AQP5: variants seen among roughly 807,000 people sequenced by gnomAD.
The protein encoded by AQP5 is aquaporin-5.
A neutral mutation model predicts 19.1 loss-of-function variants in AQP5; 15 were observed. The observed-to-expected ratio is 0.79, with a 90% confidence interval of 0.53 to 1.21. AQP5 has a LOEUF of 1.21. Ranked by LOEUF, AQP5 falls within the 50% of genes most tolerant of loss-of-function variation. The probability of loss-of-function intolerance (pLI) is 0.00; values close to 1 mark genes in which losing one functional copy is unlikely to be tolerated. For synonymous variants in AQP5, 182 were observed against 160.3 expected, an observed-to-expected ratio of 1.14 and a Z score of -1.02; for missense variants, 355 against 357.1, an observed-to-expected ratio of 0.99 and a Z score of 0.05.
chr12:49,964,155 C>A lies in AQP5; in HGVS notation c.592C>A (p.Arg198=). The A allele has an allele frequency of 1.2e-6, 2 of 1,614,098 alleles. No homozygotes were observed. Among genetic ancestry groups the A allele is most frequent in the Non-Finnish European group, 1.7e-6 (2 of 1,179,998 alleles). The change falls in exon 3 of 4, where the codon CGG becomes AGG. Residue 198 remains arginine (R), a synonymous_variant. Transcript: ENST00000293599. The stretch of plus-strand genomic sequence containing the variant: ...TTTTGGCCCTGCGGTGGTCATGAAT[C>A]GGTTCAGCCCCGCTCACTGGGTGAG... ...RSFGPAVVMN[R]FSPAHWVFWV... is the part of the protein sequence containing the mutation.
At chr12:49,963,696 A>G (rs759476004) in intron 2 of AQP5, 40 bp downstream of exon 2, 16 of 1,591,534 alleles carry the variant, frequency 1.0e-5, no homozygotes, top group Non-Finnish European at 2.6e-6. Flanking sequence ...AGGGTGGGGC[A>G]GGCACTCAAG....
In AQP5 at chr12:49,962,187, C is replaced by T; in HGVS notation, c.170C>T (p.Ala57Val). ...TTTGGCCTGGCCATAGGCACGCTGG[C>T]CCAGGCCCTGGGACCCGTGAGCGGC... ...LAFGLAIGTLAQALGPVSGGH... is the reference protein window; with the variant it reads ...LAFGLAIGTLVQALGPVSGGH... The change falls in exon 1 of 4, where the codon GCC becomes GTC. Residue 57 changes from alanine (A) to valine (V), a missense_variant. Transcript: ENST00000293599. The T allele has an allele frequency of 6.2e-7, 1 of 1,609,742 alleles. No individual in the cohort carries two copies. The highest frequency in any genetic ancestry group is 1.7e-5 in the Admixed American group (1 of 59,998).
Position 49,961,996 on chromosome 12 carries a change from C to G in AQP5, c.-22C>G. 7.4e-7 allele frequency: 1 copy of G among 1,346,142 alleles called. No homozygotes were observed. The highest frequency in any genetic ancestry group is 9.6e-7 in the Non-Finnish European group (1 of 1,043,582). 83.4% of individuals were successfully genotyped at this position (1,346,142 alleles called of 1,614,324 possible). On this transcript the variant is annotated 5_prime_UTR_variant, in exon 1 of 4. Transcript: ENST00000293599. ...CGGGCGCCCCCCGCCGCGGCAGCTG[C>G]CGCCGGGCCCCCGCGGCCACCATGA...
In AQP5 at chr12:49,965,349, C is replaced by G. The variant is rs138610081; in HGVS notation, c.*172C>G. 10 of 770,784 alleles carry G rather than the reference C, an allele frequency of 1.3e-5. No homozygotes were observed. In the African/African-American group the frequency reaches 1.4e-4, roughly 11 times the overall value. 47.7% of individuals were successfully genotyped at this position (770,784 alleles called of 1,614,324 possible). A position where few individuals can be genotyped will look rare whatever the true frequency, so the allele number is the denominator to read the frequency against. ...GGAGAAGGAACCCATGATGGGACTC[C>G]TGGGGTAGGGGCCAGGGGCTGGGGT... On this transcript the variant is annotated 3_prime_UTR_variant, in exon 4 of 4. Coordinates refer to ENST00000293599, the MANE Select transcript of AQP5 (RefSeq NM_001651.4).
chr12:49,964,209 T>C (rs774512537), intron 3 of AQP5, 34 bp downstream of exon 3: 2 of 1,599,686 alleles, frequency 1.3e-6, no homozygotes, highest in African/African-American at 1.3e-5. Context: ...TCCCTGGAGA[T>C]GAGGGCCTGG....
chr12:49,962,361 G>T lies in AQP5; in HGVS notation c.344G>T (p.Gly115Val), dbSNP rs1947435191. 1 of 1,592,326 alleles carries T rather than the reference G, an allele frequency of 6.3e-7. No individual in the cohort carries two copies. The highest frequency in any genetic ancestry group is 1.4e-5 in the African/African-American group (1 of 72,488). Residue 115 changes from glycine (G) to valine (V), a missense_variant, in exon 1 of 4, where the codon GGC (glycine) becomes GTC (valine). Coordinates refer to ENST00000293599, the MANE Select transcript of AQP5 (RefSeq NM_001651.4). ...LYGVAPLNAR[G>V]NLAVNALNNN... ...GGTGTGGCACCGCTCAATGCCCGGGGCAATCTGGCCGTCAACGCGGTGAGT... is the reference window on the plus strand; with the variant it reads ...GGTGTGGCACCGCTCAATGCCCGGGTCAATCTGGCCGTCAACGCGGTGAGT...
chr12:49,962,917 A>G (rs1478951935), intron 1 of AQP5: 3 of 163,374 alleles, frequency 1.8e-5, no homozygotes, highest in African/African-American at 7.2e-5. Flanking sequence ...GTTTCTGTTG[A>G]GTATTGGTTC....
At chr12:49,964,233 G>A (rs1947462011) in intron 3 of AQP5, 58 bp downstream of exon 3, 1 of 1,536,720 alleles carries the variant, frequency 6.5e-7, no homozygotes, top group Non-Finnish European at 9.0e-7. Context: ...CCCAGCAGTG[G>A]CAGCTCAGAG....
At position 49,964,984 on chromosome 12, in the gene AQP5, T is replaced by C; in HGVS notation, c.613-8T>C. 1 of 1,611,012 alleles carries C rather than the reference T, an allele frequency of 6.2e-7. No homozygotes were observed. Among genetic ancestry groups the C allele is most frequent in the Non-Finnish European group, 8.5e-7 (1 of 1,178,564 alleles). ...TCAGCGCCCTGACTCCTGCCCTGTCTCCACCAGGTTTTCTGGGTAGGGCCC... is the reference window on the plus strand; with the variant it reads ...TCAGCGCCCTGACTCCTGCCCTGTCCCCACCAGGTTTTCTGGGTAGGGCCC... On this transcript the variant is annotated splice_polypyrimidine_tract_variant and splice_region_variant and intron_variant, in intron 3 of 3. Coordinates refer to ENST00000293599, the MANE Select transcript of AQP5 (RefSeq NM_001651.4).
In AQP5 at chr12:49,964,557, T is replaced by C. The variant is rs768734547; in HGVS notation, c.612+382T>C. 3.3e-4 allele frequency: 270 copies of C among 815,654 alleles called. 2 individuals are homozygous for C. Among genetic ancestry groups the C allele is most frequent in the Admixed American group, 6.2e-4 (10 of 16,040 alleles). 50.5% of individuals were successfully genotyped at this position (815,654 alleles called of 1,614,324 possible). A position where few individuals can be genotyped will look rare whatever the true frequency, so the allele number is the denominator to read the frequency against. On this transcript the variant is annotated intron_variant, in intron 3 of 3. Transcript: ENST00000293599. ...CCTGTTGAGGGGGTTGGGAGAGTCTTCCTGTGGGTCTGTCCCTGTGGACAG... is the reference window on the plus strand; with the variant it reads ...CCTGTTGAGGGGGTTGGGAGAGTCTCCCTGTGGGTCTGTCCCTGTGGACAG...
At chr12:49,962,445 C>A in intron 1 of AQP5, 65 bp downstream of exon 1, 1 of 1,331,702 alleles carries the variant, frequency 7.5e-7, no homozygotes, top group Non-Finnish European at 9.8e-7. Flanking sequence ...AGGCCTCTTA[C>A]CCCACCTGGA....
rs770322336 is a variant in AQP5, at chr12:49,962,388, C to T, written c.363+8C>T. The T allele has an allele frequency of 1.4e-6, 2 of 1,406,808 alleles. No homozygotes were observed. Among genetic ancestry groups the T allele is most frequent in the Non-Finnish European group, 1.8e-6 (2 of 1,081,694 alleles). The allele number at this position is 1,406,808 out of a possible 1,614,324, so 87.1% of individuals were successfully genotyped here. A position where few individuals can be genotyped will look rare whatever the true frequency, so the allele number is the denominator to read the frequency against. Reference sequence around the variant, plus strand: ...AATCTGGCCGTCAACGCGGTGAGTGCCCTGGGGGGGGGGTGGGAGCCTCGA... The same window carrying T: ...AATCTGGCCGTCAACGCGGTGAGTGTCCTGGGGGGGGGGTGGGAGCCTCGA... On this transcript the variant is annotated splice_region_variant and intron_variant, in intron 1 of 3. Transcript: ENST00000293599.
At chr12:49,964,222 A>AC in intron 3 of AQP5, 47 bp downstream of exon 3, 7 of 1,578,692 alleles carry the variant, frequency 4.4e-6, no homozygotes, top group Non-Finnish European at 6.1e-6. Context: ...GGGCCTGGAG[A>AC]CCCAGCAGTG....
Position 49,964,133 on chromosome 12 carries a change from T to A in AQP5, c.570T>A (p.Phe190Leu). ...GCTCCATGAACCCAGCCCGCTCTTT[T>A]GGCCCTGCGGTGGTCATGAATCGGT... ...TGCSMNPARS[F>L]GPAVVMNRFS... Residue 190 changes from phenylalanine to leucine, a missense_variant, in exon 3 of 4, where the codon TTT (phenylalanine) becomes TTA (leucine). Phe to Leu is a conservative substitution (Grantham distance 22). Transcript: ENST00000293599. 2 of 1,614,200 alleles carry A rather than the reference T, an allele frequency of 1.2e-6. No homozygotes were observed. Among genetic ancestry groups the A allele is most frequent in the South Asian group, 2.2e-5 (2 of 91,084 alleles).
intron 3 of AQP5, chr12:49,964,628 T>C (rs906358362): frequency 4.1e-6 from 4 of 984,878 alleles, no homozygotes; most frequent in Non-Finnish European, 4.8e-6. Context: ...CTCTCCAGGG[T>C]CTGCTTCTAT....
chr12:49,964,559 C>T (rs1947466723), intron 3 of AQP5: 31 of 828,934 alleles, frequency 3.7e-5, no homozygotes, highest in Admixed American at 6.2e-5. Flanking sequence ...GAGAGTCTTC[C>T]TGTGGGTCTG....
chr12:49,964,941 G>A, intron 3 of AQP5, 51 bp from the exon 4 acceptor site: 1 of 1,573,766 alleles, frequency 6.4e-7, no homozygotes, highest in Non-Finnish European at 8.6e-7. Flanking sequence ...GGGGCATGTG[G>A]TCTTCAAGGT....
chr12:49,965,085 G>A lies in AQP5; in HGVS notation c.706G>A (p.Val236Met), dbSNP rs747365491. The A allele has an allele frequency of 7.7e-5, 125 of 1,613,964 alleles. No individual in the cohort carries two copies. In the Middle Eastern group the frequency reaches 1.5e-3, roughly 19 times the overall value. Reference sequence around the variant, plus strand: ...CAACTCCCTGAGCCTGAGTGAGCGTGTGGCCATCATCAAAGGCACGTATGA... The same window carrying A: ...CAACTCCCTGAGCCTGAGTGAGCGTATGGCCATCATCAAAGGCACGTATGA... Reference protein sequence around the residue: ...FPNSLSLSERVAIIKGTYEPD... With the variant: ...FPNSLSLSERMAIIKGTYEPD... Residue 236 changes from valine (V) to methionine (M), a missense_variant, in exon 4 of 4, where the codon GTG becomes ATG. Coordinates refer to ENST00000293599, the MANE Select transcript of AQP5 (RefSeq NM_001651.4).
At chr12:49,963,248 C>T (rs372882870) in intron 1 of AQP5, among the ~76,000 whole-genome samples, 41 of 152,350 alleles carry the variant, frequency 2.7e-4, no homozygotes, top group African/African-American at 7.7e-4. Context: ...TTGATAGGCC[C>T]GTGTCCAGGA....
Sources: allele counts gnomAD v4.1 joint callset (sites outside exome capture counted in the v4.1 genomes callset), GRCh38; gene constraint gnomAD v4.1.1; transcripts MANE v1.5; gene names NCBI Gene and HGNC (gene_info 2026-07-23, HGNC 2026-07-21).